The following SSBP2 variants were observed in gnomAD, a reference collection of about 807,000 sequenced individuals.
The protein encoded by SSBP2 is single-stranded DNA-binding protein 2.
In SSBP2, 17 loss-of-function variants were observed where a neutral mutation model predicts 61.8. The observed-to-expected ratio is 0.28, with a 90% confidence interval of 0.19 to 0.41. SSBP2 has a LOEUF of 0.41. SSBP2 is among the 10% of genes least tolerant of loss of function. The pLI, the probability that SSBP2 is intolerant of heterozygous loss-of-function variation, is 1.00. For synonymous variants in SSBP2, 139 were observed against 141.3 expected (o/e 0.98, Z 0.12); for missense variants, 310 against 458.7 (o/e 0.68, Z 2.96).
At chr5:81,744,184 G>A (rs1194542525) in intron 1 of SSBP2, among the ~76,000 whole-genome samples, 1 of 152,104 alleles carries the variant, frequency 6.6e-6, no homozygotes, top group Admixed American at 6.5e-5. Context: ...AATTTTCTAT[G>A]ACAAAACACA....
At chr5:81,450,119 C>G (rs1763671333) in intron 10 of SSBP2, among the ~76,000 whole-genome samples, 1 of 152,104 alleles carries the variant, frequency 6.6e-6, no homozygotes, top group Non-Finnish European at 1.5e-5. Context: ...CAGTCTCGAC[C>G]TCCTGGGCTC....
intron 5 of SSBP2, among the ~76,000 whole-genome samples, chr5:81,503,156 C>CA (rs1344819787): frequency 1.3e-5 from 2 of 151,972 alleles, no homozygotes; most frequent in Non-Finnish European, 2.9e-5. Context: ...ATAAAAATGT[C>CA]AAAAAACAAC....
At chr5:81,542,014 T>G (rs537805071) in intron 4 of SSBP2, among the ~76,000 whole-genome samples, 4 of 152,276 alleles carry the variant, frequency 2.6e-5, no homozygotes, top group African/African-American at 9.6e-5. Flanking sequence ...ATTCACAAAC[T>G]CTGCATTCAA....
chr5:81,467,624 A>G (rs938240747), intron 8 of SSBP2, among the ~76,000 whole-genome samples: 5 of 152,074 alleles, frequency 3.3e-5, no homozygotes, highest in Non-Finnish European at 1.5e-5. Context: ...TTCTGTTAAT[A>G]TCTATCATGT....
chr5:81,615,392 G>C, intron 4 of SSBP2, 81 bp downstream of exon 4: 1 of 1,002,758 alleles, frequency 1.0e-6, no homozygotes, highest in Non-Finnish European at 1.6e-6. Flanking sequence ...CAAAAGAATA[G>C]ATGAGCCAGT....
chr5:81,606,327 C>T (rs1744875551), intron 4 of SSBP2, among the ~76,000 whole-genome samples: 1 of 152,158 alleles, frequency 6.6e-6, no homozygotes, highest in East Asian at 1.9e-4. Context: ...CTGGGAGAAC[C>T]TCTGAGGTCA....
intron 5 of SSBP2, among the ~76,000 whole-genome samples, chr5:81,506,164 T>C (rs971104917): frequency 6.6e-6 from 1 of 152,166 alleles, no homozygotes; most frequent in African/African-American, 2.4e-5. Flanking sequence ...GTTGCTTTTA[T>C]CTTTATAACA....
chr5:81,720,406 AT>A (rs1394361777), intron 1 of SSBP2, among the ~76,000 whole-genome samples: 6 of 152,190 alleles, frequency 3.9e-5, no homozygotes, highest in African/African-American at 1.4e-4. Context: ...AAATAATGAC[AT>A]GGTCTTTGCT....
chr5:81,592,936 CT>C (rs2153523463), intron 4 of SSBP2, among the ~76,000 whole-genome samples: 1 of 152,288 alleles, frequency 6.6e-6, no homozygotes, highest in Non-Finnish European at 1.5e-5. Flanking sequence ...CAGAGCGCCT[CT>C]CCTCCTCCAA....
chr5:81,750,535 C>G (rs1485800357), intron 1 of SSBP2, among the ~76,000 whole-genome samples: 4 of 148,366 alleles, frequency 2.7e-5, no homozygotes, highest in African/African-American at 7.4e-5. Flanking sequence ...GACCCCGGCC[C>G]CGACCCCGGC....
At chr5:81,713,373 T>C (rs1212540105) in intron 1 of SSBP2, among the ~76,000 whole-genome samples, 1 of 151,990 alleles carries the variant, frequency 6.6e-6, no homozygotes, top group Non-Finnish European at 1.5e-5. Context: ...ATTTATTCTC[T>C]TGGTGGAGAT....
chr5:81,509,808 C>A lies in SSBP2; in HGVS notation c.372+3820G>T, dbSNP rs183337734. The stretch of plus-strand genomic sequence containing the variant: ...ACTCAGATAAAGACACTAAACTTAT[C>A]CAGAGACCCAAAGTAGAAATCTCAG... On this transcript the variant is annotated intron_variant, in intron 5 of 16. Coordinates refer to ENST00000320672, the MANE Select transcript of SSBP2 (RefSeq NM_012446.5). Among the ~76,000 whole-genome samples the A allele has an allele frequency of 4.3e-3, 659 of 152,224 alleles. 5 individuals carry two copies. Among genetic ancestry groups the A allele is most frequent in the African/African-American group, 0.014 (580 of 41,530 alleles).
At position 81,502,941 on chromosome 5, in the gene SSBP2, G is replaced by C. The variant is rs1231512509; in HGVS notation, c.372+10687C>G. On this transcript the variant is annotated intron_variant, in intron 5 of 16. Transcript: ENST00000320672. ...TCTGACAAAGGTCTAATATCCACCA[G>C]CATCTATTAATATAAGGCACTTATA... Among the ~76,000 whole-genome samples, 3 of 152,150 alleles carry C rather than the reference G, an allele frequency of 2.0e-5. No individual in the cohort carries two copies. The East Asian group carries it at 5.8e-4, about 29-fold the overall frequency.
chr5:81,526,802 C>T (rs993152544), intron 4 of SSBP2, among the ~76,000 whole-genome samples: 1 of 151,674 alleles, frequency 6.6e-6, no homozygotes, highest in Non-Finnish European at 1.5e-5. Flanking sequence ...GTGAAAAAGA[C>T]AATGACATAT....
chr5:81,750,381 G>A (rs1757664514), intron 1 of SSBP2, among the ~76,000 whole-genome samples: 2 of 144,892 alleles, frequency 1.4e-5, no homozygotes, highest in African/African-American at 2.5e-5. Context: ...CGCGCCCCGC[G>A]GGGCCCCGCT....
Position 81,413,451 on chromosome 5 carries a change from C to A in SSBP2, c.*7053G>T, listed in dbSNP as rs1761207237. The A allele has an allele frequency of 6.6e-6, 1 of 152,178 alleles. No individual in the cohort carries two copies. The highest frequency in any genetic ancestry group is 2.1e-4 in the South Asian group (1 of 4,830). 9.4% of individuals were successfully genotyped at this position (152,178 alleles called of 1,614,324 possible). A position where few individuals can be genotyped will look rare whatever the true frequency, so the allele number is the denominator to read the frequency against. ...AAATTGTGCATTTATAAAAACCTTACAAATACTTCTATTTTTCCAGGAAGA... is the reference window on the plus strand; with the variant it reads ...AAATTGTGCATTTATAAAAACCTTAAAAATACTTCTATTTTTCCAGGAAGA... On this transcript the variant is annotated 3_prime_UTR_variant, in exon 17 of 17. Transcript: ENST00000320672.
intron 5 of SSBP2, among the ~76,000 whole-genome samples, chr5:81,510,344 C>T (rs1276544039): frequency 1.3e-5 from 2 of 152,176 alleles, no homozygotes; most frequent in East Asian, 3.9e-4. Context: ...GAGCCAGAAA[C>T]TAGAATTATT....
At chr5:81,581,593 T>A (rs1774652272) in intron 4 of SSBP2, among the ~76,000 whole-genome samples, 1 of 152,196 alleles carries the variant, frequency 6.6e-6, no homozygotes, top group Admixed American at 6.5e-5. Flanking sequence ...GGAGAATCTA[T>A]CAGTTGTAGC....
intron 1 of SSBP2, among the ~76,000 whole-genome samples, chr5:81,716,971 T>C (rs747237380): frequency 1.3e-5 from 2 of 152,202 alleles, no homozygotes; most frequent in Non-Finnish European, 2.9e-5. Flanking sequence ...CCAGAAGAAT[T>C]TTTCATTTTA....
Sources: allele counts gnomAD v4.1 joint callset (sites outside exome capture counted in the v4.1 genomes callset), GRCh38; gene constraint gnomAD v4.1.1; transcripts MANE v1.5; gene names NCBI Gene and HGNC (gene_info 2026-07-23, HGNC 2026-07-21).